ATP8A2: variants seen among roughly 807,000 people sequenced by gnomAD.
ATP8A2 encodes ATPase phospholipid transporting 8A2.
ATP8A2 carries 100 observed loss-of-function variants against 165.6 expected under a neutral mutation model. That is an observed-to-expected ratio of 0.60 (90% CI 0.51 to 0.71). The LOEUF (loss-of-function observed/expected upper bound fraction) is 0.71. Ranked by LOEUF, ATP8A2 falls within the 30% of genes least tolerant of loss-of-function variation. The pLI, the probability that ATP8A2 is intolerant of heterozygous loss-of-function variation, is 0.00. For synonymous variants in ATP8A2, 543 were observed against 548.8 expected (o/e 0.99, Z 0.15); for missense variants, 1,227 against 1,479.5 (o/e 0.83, Z 2.80).
intron 35 of ATP8A2, among the ~76,000 whole-genome samples, chr13:26,001,371 T>G (rs1956628513): frequency 6.6e-6 from 1 of 152,222 alleles, no homozygotes; most frequent in East Asian, 1.9e-4. Context: ...GAGTCCATTT[T>G]CCATTCATTT....
intron 30 of ATP8A2, among the ~76,000 whole-genome samples, chr13:25,855,295 C>T (rs1952128923): frequency 6.6e-6 from 1 of 151,994 alleles, no homozygotes; most frequent in Non-Finnish European, 1.5e-5. Context: ...TCCCAAGCAC[C>T]TCCAGTACCT....
chr13:25,480,154 T>A (rs1006387282), intron 2 of ATP8A2, among the ~76,000 whole-genome samples: 1 of 143,792 alleles, frequency 7.0e-6, no homozygotes, highest in African/African-American at 2.6e-5. Flanking sequence ...ATGGGGCAGC[T>A]GGCCGGGTGG....
Position 25,860,866 on chromosome 13 carries a change from T to A in ATP8A2, c.3075+6T>A. 6.3e-7 allele frequency: 1 copy of A among 1,575,100 alleles called. No individual in the cohort carries two copies. The highest frequency in any genetic ancestry group is 8.7e-7 in the Non-Finnish European group (1 of 1,152,098). On this transcript the variant is annotated splice_donor_region_variant and intron_variant, in intron 32 of 36. Transcript: ENST00000381655. ...AGACCACAGCTTGGACTAAAGTAAGTTTTCTCTAGAATTGTTTCTCTGTTC... is the reference window on the plus strand; with the variant it reads ...AGACCACAGCTTGGACTAAAGTAAGATTTCTCTAGAATTGTTTCTCTGTTC...
Position 25,398,292 on chromosome 13 carries a change from A to G in ATP8A2, c.76+26004A>G, listed in dbSNP as rs572931600. Among the ~76,000 whole-genome samples the G allele has an allele frequency of 1.1e-4, 17 of 152,234 alleles. No homozygotes were observed. In the Middle Eastern group the frequency reaches 0.014, roughly 122 times the overall value. On this transcript the variant is annotated intron_variant, in intron 1 of 36. Coordinates refer to ENST00000381655, the MANE Select transcript of ATP8A2 (RefSeq NM_016529.6). ...GAGTTGGGGTCTTATTGCTAAAAAG[A>G]GTCTATTTTGTCAGTCTTTGGATCT...
intron 2 of ATP8A2, among the ~76,000 whole-genome samples, chr13:25,512,695 A>C (rs1308179193): frequency 1.9e-3 from 156 of 81,470 alleles, no homozygotes; most frequent in African/African-American, 2.3e-3. Flanking sequence ...CTGACCCCCC[A>C]ACCTCCCTCC....
At chr13:25,699,833 C>T (rs2042913573) in intron 25 of ATP8A2, among the ~76,000 whole-genome samples, 1 of 151,780 alleles carries the variant, frequency 6.6e-6, no homozygotes, top group African/African-American at 2.4e-5. Context: ...TTCTTCCCTT[C>T]CTGGGAAGGT....
chr13:25,768,181 C>T (rs1464955236), intron 25 of ATP8A2, among the ~76,000 whole-genome samples: 1 of 152,076 alleles, frequency 6.6e-6, no homozygotes, highest in Non-Finnish European at 1.5e-5. Flanking sequence ...TGTAGAGTCA[C>T]TCAGTCCTGA....
At chr13:25,837,469 A>ACACG (rs1951646408) in intron 29 of ATP8A2, among the ~76,000 whole-genome samples, 184 bp downstream of exon 29, 2 of 119,114 alleles carry the variant, frequency 1.7e-5, no homozygotes, top group African/African-American at 6.1e-5. Context: ...ACACACACAC[A>ACACG]CGCCACAAAC....
intron 12 of ATP8A2, among the ~76,000 whole-genome samples, chr13:25,554,441 G>A (rs1009127368): frequency 2.0e-5 from 3 of 152,032 alleles, no homozygotes; most frequent in Non-Finnish European, 4.4e-5. Context: ...AGCAAGGTGA[G>A]AATCATGAGT....
At chr13:25,657,978 A>G (rs2041970003) in intron 24 of ATP8A2, among the ~76,000 whole-genome samples, 1 of 152,164 alleles carries the variant, frequency 6.6e-6, no homozygotes, top group South Asian at 2.1e-4. Flanking sequence ...CATTGTATTT[A>G]ATTGACAGTA....
intron 35 of ATP8A2, among the ~76,000 whole-genome samples, chr13:26,001,367 A>C (rs901267170): frequency 2.0e-5 from 3 of 152,150 alleles, no homozygotes; most frequent in Non-Finnish European, 4.4e-5. Flanking sequence ...GTCTGAGTCC[A>C]TTTTCCATTC....
At chr13:25,693,364 G>C (rs1462051861) in intron 24 of ATP8A2, among the ~76,000 whole-genome samples, 1 of 152,198 alleles carries the variant, frequency 6.6e-6, no homozygotes, top group Non-Finnish European at 1.5e-5. Flanking sequence ...GTCTGGGTTT[G>C]ATCAAAGATT....
chr13:25,421,367 C>T (rs1285317734), intron 1 of ATP8A2, among the ~76,000 whole-genome samples: 1 of 152,220 alleles, frequency 6.6e-6, no homozygotes, highest in Admixed American at 6.5e-5. Context: ...CAGGGTCTCT[C>T]TCTGTTGCCC....
chr13:25,718,082 T>G (rs919167617), intron 25 of ATP8A2, among the ~76,000 whole-genome samples: 1 of 152,192 alleles, frequency 6.6e-6, no homozygotes, highest in Non-Finnish European at 1.5e-5. Context: ...TTATGTCCCA[T>G]GCACCCCAGC....
intron 2 of ATP8A2, among the ~76,000 whole-genome samples, chr13:25,505,608 A>G (rs2137729725): frequency 6.6e-6 from 1 of 152,238 alleles, no homozygotes; most frequent in Non-Finnish European, 1.5e-5. Flanking sequence ...TAGAGATATT[A>G]TAGTTCCAAA....
At chr13:25,690,414 C>T (rs1027508723) in intron 24 of ATP8A2, among the ~76,000 whole-genome samples, 1 of 150,678 alleles carries the variant, frequency 6.6e-6, no homozygotes, top group Non-Finnish European at 1.5e-5. Flanking sequence ...AAGGAAGAAA[C>T]TAAAATTAGA....
chr13:25,746,027 T>C (rs967600235), intron 25 of ATP8A2, among the ~76,000 whole-genome samples: 4 of 152,214 alleles, frequency 2.6e-5, no homozygotes, highest in African/African-American at 9.6e-5. Flanking sequence ...TGACTTCTCG[T>C]TGATCTGCAG....
chr13:25,934,158 G>C (rs977728014), intron 33 of ATP8A2, among the ~76,000 whole-genome samples: 1 of 152,224 alleles, frequency 6.6e-6, no homozygotes, highest in Non-Finnish European at 1.5e-5. Context: ...TGTTACCTGT[G>C]CTGGGCCTTA....
At position 25,587,254 on chromosome 13, in the gene ATP8A2, C is replaced by T. The variant is rs930797155; in HGVS notation, c.2147-2381C>T. Among the ~76,000 whole-genome samples, 3 of 152,172 alleles carry T rather than the reference C, an allele frequency of 2.0e-5. No homozygotes were observed. In the South Asian group the frequency reaches 6.2e-4, roughly 31 times the overall value. On this transcript the variant is annotated intron_variant, in intron 23 of 36. Transcript: ENST00000381655. Reference sequence around the variant, plus strand: ...CCACAATTAACTGGGTTAAACTTCCCTGGTCTGTCTAGTGCGAGTGCTCCA... The same window carrying T: ...CCACAATTAACTGGGTTAAACTTCCTTGGTCTGTCTAGTGCGAGTGCTCCA...
Sources: gnomAD v4.1 joint callset for allele counts (sites outside exome capture counted in the v4.1 genomes callset) on GRCh38, gnomAD v4.1.1 for gene constraint, MANE v1.5 for transcripts, NCBI Gene and HGNC (gene_info 2026-07-23, HGNC 2026-07-21) for gene names.